The following GPC5 variants were observed in gnomAD, a reference collection of about 807,000 sequenced individuals.
GPC5 encodes the protein glypican 5.
In GPC5, 47 loss-of-function variants were observed where a neutral mutation model predicts 53.9. The observed-to-expected ratio is 0.87, with a 90% CI of 0.69 to 1.11. GPC5 has a LOEUF of 1.11. Among genes scored for constraint, GPC5 ranks in the 50% most tolerant of loss-of-function variants. The pLI is 0.00. For synonymous variants in GPC5, 286 were observed against 263.3 expected (o/e 1.09, Z -0.84); for missense variants, 748 against 713.1 (o/e 1.05, Z -0.56).
At chr13:92,543,119 T>G (rs1881981923) in intron 7 of GPC5, among the ~76,000 whole-genome samples, 1 of 152,050 alleles carries the variant, frequency 6.6e-6, no homozygotes, top group African/African-American at 2.4e-5. Flanking sequence ...AATACAAATA[T>G]TTGCTTGTTT....
chr13:91,522,810 C>T (rs1885891298), intron 2 of GPC5, among the ~76,000 whole-genome samples: 1 of 152,184 alleles, frequency 6.6e-6, no homozygotes, highest in Admixed American at 6.5e-5. Context: ...ATGATGGTTT[C>T]CAGCTTCATC....
At chr13:92,076,764 G>A (rs1198815252) in intron 6 of GPC5, among the ~76,000 whole-genome samples, 2 of 152,086 alleles carry the variant, frequency 1.3e-5, no homozygotes, top group African/African-American at 4.8e-5. Flanking sequence ...TCTTTGAAAT[G>A]GTCCTGCAAA....
intron 6 of GPC5, among the ~76,000 whole-genome samples, chr13:92,107,860 A>C (rs1322637212): frequency 6.6e-6 from 1 of 152,170 alleles, no homozygotes; most frequent in African/African-American, 2.4e-5. Context: ...TTTTCAGAAA[A>C]ACCCAGTATC....
chr13:92,104,369 G>A (rs561918571), intron 6 of GPC5, among the ~76,000 whole-genome samples: 2 of 152,224 alleles, frequency 1.3e-5, no homozygotes, highest in Non-Finnish European at 2.9e-5. Context: ...TATTTCCAGA[G>A]TTCTAAAACT....
intron 5 of GPC5, among the ~76,000 whole-genome samples, chr13:91,870,850 T>A (rs2138930212): frequency 6.6e-6 from 1 of 152,360 alleles, no homozygotes; most frequent in East Asian, 1.9e-4. Flanking sequence ...CGTGTTGCAT[T>A]TGGAAGGAAA....
At chr13:91,913,600 G>C (rs1433982480) in intron 6 of GPC5, among the ~76,000 whole-genome samples, 1 of 152,108 alleles carries the variant, frequency 6.6e-6, no homozygotes, top group Admixed American at 6.6e-5. Context: ...TGGTCCTTAA[G>C]GAATATCTCA....
intron 7 of GPC5, among the ~76,000 whole-genome samples, chr13:92,732,069 A>T (rs1446393780): frequency 6.6e-6 from 1 of 151,368 alleles, no homozygotes; most frequent in Non-Finnish European, 1.5e-5. Context: ...ATTTTTTTTT[A>T]AATAGAAGCA....
chr13:91,938,329 C>G (rs571854252), intron 6 of GPC5, among the ~76,000 whole-genome samples: 1 of 152,184 alleles, frequency 6.6e-6, no homozygotes, highest in South Asian at 2.1e-4. Flanking sequence ...AAGTGCAACA[C>G]TCTTTTAAAC....
intron 7 of GPC5, among the ~76,000 whole-genome samples, chr13:92,518,477 A>G (rs1880884189): frequency 6.6e-6 from 1 of 152,220 alleles, no homozygotes; most frequent in Non-Finnish European, 1.5e-5. Context: ...AATATTCAAC[A>G]TTCTTAAAGA....
intron 7 of GPC5, among the ~76,000 whole-genome samples, chr13:92,283,076 T>C (rs2139171799): frequency 6.6e-6 from 1 of 151,308 alleles, no homozygotes; most frequent in South Asian, 2.1e-4. Context: ...AAAACCAAAA[T>C]GCAGTGGTTG....
intron 7 of GPC5, among the ~76,000 whole-genome samples, chr13:92,146,680 A>C (rs915277512): frequency 4.6e-5 from 7 of 151,996 alleles, no homozygotes; most frequent in Non-Finnish European, 1.0e-4. Context: ...GTTTCCCCCA[A>C]TCCCCCAAAG....
At chr13:92,702,831 ACTCCCTC>A (rs1015953282) in intron 7 of GPC5, among the ~76,000 whole-genome samples, 1 of 150,710 alleles carries the variant, frequency 6.6e-6, no homozygotes, top group African/African-American at 2.4e-5. Flanking sequence ...TGTGATCTCC[ACTCCCTC>A]CTCCCTCCAT....
At chr13:92,088,557 C>T (rs149716903) in intron 6 of GPC5, among the ~76,000 whole-genome samples, 9 of 152,226 alleles carry the variant, frequency 5.9e-5, no homozygotes, top group African/African-American at 2.2e-4. Context: ...CTTGCCTCAC[C>T]TCAATCAGTC....
chr13:92,650,796 T>G (rs1204575872), intron 7 of GPC5, among the ~76,000 whole-genome samples: 2 of 152,162 alleles, frequency 1.3e-5, no homozygotes, highest in African/African-American at 2.4e-5. Flanking sequence ...CTTTTATTAA[T>G]TTTTTAAAAT....
At chr13:92,556,500 A>G (rs1882498204) in intron 7 of GPC5, among the ~76,000 whole-genome samples, 1 of 151,702 alleles carries the variant, frequency 6.6e-6, no homozygotes, top group East Asian at 1.9e-4. Flanking sequence ...CCATGATGTG[A>G]CAGGCTGTAT....
At chr13:91,704,274 A>T (rs542116368) in intron 3 of GPC5, among the ~76,000 whole-genome samples, 1 of 152,248 alleles carries the variant, frequency 6.6e-6, no homozygotes, top group South Asian at 2.1e-4. Flanking sequence ...TACAGTTTTG[A>T]CATAAAGTCT....
intron 7 of GPC5, among the ~76,000 whole-genome samples, chr13:92,170,194 G>T (rs1438175128): frequency 6.6e-6 from 1 of 151,356 alleles, no homozygotes; most frequent in African/African-American, 2.4e-5. Flanking sequence ...TTCAATGAGG[G>T]TTACTCTAGT....
chr13:92,606,665 A>G (rs1285990009), intron 7 of GPC5, among the ~76,000 whole-genome samples: 2 of 152,206 alleles, frequency 1.3e-5, no homozygotes, highest in African/African-American at 2.4e-5. Context: ...CTTATTAACT[A>G]TTAGGATCTG....
chr13:91,660,585 G>T (rs1295148956), intron 2 of GPC5, among the ~76,000 whole-genome samples: 1 of 152,152 alleles, frequency 6.6e-6, no homozygotes, highest in Non-Finnish European at 1.5e-5. Context: ...ATAAATATTT[G>T]TTGTCATCAA....
Sources: gnomAD v4.1 joint callset for allele counts (sites outside exome capture counted in the v4.1 genomes callset) on GRCh38, gnomAD v4.1.1 for gene constraint, MANE v1.5 for transcripts, NCBI Gene and HGNC (gene_info 2026-07-23, HGNC 2026-07-21) for gene names.